TEKT1: variants seen among roughly 807,000 people sequenced by gnomAD.
TEKT1 encodes tektin 1, also known as tektin-1.
Under a neutral mutation model 34.8 loss-of-function variants are expected in TEKT1, and 32 were observed. The observed-to-expected ratio is 0.92, with a 90% CI of 0.69 to 1.23. TEKT1 has a LOEUF of 1.23. TEKT1 is among the 50% of genes most tolerant of loss of function. The pLI, the probability that TEKT1 is intolerant of heterozygous loss-of-function variation, is 0.00. For missense variants in TEKT1, 492 were observed against 518.5 expected (o/e 0.95, Z 0.50); for synonymous variants, 207 against 199.8 (o/e 1.04, Z -0.30).
At chr17:6,814,384 T>C (rs1282601697) in intron 5 of TEKT1, among the ~76,000 whole-genome samples, 1 of 152,232 alleles carries the variant, frequency 6.6e-6, no homozygotes, top group Non-Finnish European at 1.5e-5. Flanking sequence ...GGCTGTGATA[T>C]AATGTTAACC....
intron 3 of TEKT1, among the ~76,000 whole-genome samples, chr17:6,817,894 C>A (rs112297004): frequency 6.6e-6 from 1 of 152,184 alleles, no homozygotes; most frequent in African/African-American, 2.4e-5. Flanking sequence ...TTATCATTAT[C>A]CTCAGGCTTA....
chr17:6,804,220 C>A (rs1363819625), intron 6 of TEKT1, among the ~76,000 whole-genome samples: 1 of 152,112 alleles, frequency 6.6e-6, no homozygotes, highest in Non-Finnish European at 1.5e-5. Context: ...CTCTTTGAAG[C>A]AATTGTGAAT....
At chr17:6,808,578 T>C (rs1023166288) in intron 6 of TEKT1, among the ~76,000 whole-genome samples, 1 of 152,210 alleles carries the variant, frequency 6.6e-6, no homozygotes, top group Non-Finnish European at 1.5e-5. Context: ...AGCTGTAGGC[T>C]GGAGCTGTTC....
At chr17:6,817,682 C>CT (rs1977025048) in intron 3 of TEKT1, among the ~76,000 whole-genome samples, 1 of 152,124 alleles carries the variant, frequency 6.6e-6, no homozygotes, top group Non-Finnish European at 1.5e-5. Flanking sequence ...CATGATAGTG[C>CT]TTGGAAAGGA....
At chr17:6,802,337 C>T (rs1294159470) in intron 6 of TEKT1, among the ~76,000 whole-genome samples, 1 of 152,096 alleles carries the variant, frequency 6.6e-6, no homozygotes, top group African/African-American at 2.4e-5. Context: ...ATAATTGCTC[C>T]TACTTCAAAC....
chr17:6,814,898 G>A (rs1976982912), intron 5 of TEKT1: 1 of 356,930 alleles, frequency 2.8e-6, no homozygotes, highest in East Asian at 4.9e-5. Flanking sequence ...TATTTTACTT[G>A]TTAAAAACAT....
At chr17:6,807,464 A>G (rs1368800941) in intron 6 of TEKT1, among the ~76,000 whole-genome samples, 1 of 152,084 alleles carries the variant, frequency 6.6e-6, no homozygotes, top group African/African-American at 2.4e-5. Context: ...TTCTTCTCTC[A>G]ACTTGTCAAA....
Position 6,812,931 on chromosome 17 carries a change from T to C in TEKT1, c.752A>G (p.Asn251Ser), listed in dbSNP as rs371978195. The change falls in exon 6 of 8, where the codon AAT becomes AGT. Residue 251 changes from asparagine (N) to serine (S), a missense_variant. Asn to Ser is a conservative substitution (Grantham distance 46). Transcript: ENST00000338694. Reference protein sequence around the residue: ...LVDRILSQTANDLRKQCDVVD... With the variant: ...LVDRILSQTASDLRKQCDVVD... Reference sequence around the variant, plus strand: ...CACATCACACTGCTTGCGCAGATCATTGGCTGTCTGGGACAGGATTCGATC... The same window carrying C: ...CACATCACACTGCTTGCGCAGATCACTGGCTGTCTGGGACAGGATTCGATC... The C allele has an allele frequency of 5.9e-5, 96 of 1,614,106 alleles. No homozygotes were observed. In the African/African-American group the frequency reaches 6.7e-4, roughly 11 times the overall value.
chr17:6,815,685 C>A, intron 4 of TEKT1, 149 bp downstream of exon 4: 18 of 1,252,808 alleles, frequency 1.4e-5, no homozygotes, highest in Non-Finnish European at 1.8e-5. Context: ...CCAGCTCTTA[C>A]CCTGAGTGCT....
In TEKT1 at chr17:6,799,917, G is replaced by C. The variant is rs943581086; in HGVS notation, c.*110C>G. 3.4e-5 allele frequency: 36 copies of C among 1,068,476 alleles called. No individual in the cohort carries two copies. In the African/African-American group the frequency reaches 5.7e-4, roughly 17 times the overall value. 66.2% of individuals were successfully genotyped at this position (1,068,476 alleles called of 1,614,324 possible). On this transcript the variant is annotated 3_prime_UTR_variant, in exon 8 of 8. Coordinates refer to ENST00000338694, the MANE Select transcript of TEKT1 (RefSeq NM_053285.2). ...TGAGCAGGCTTGGAATGCCAGCCAAGAGGTTGCAGCAGGCTGGCTAGAGGC... is the reference window on the plus strand; with the variant it reads ...TGAGCAGGCTTGGAATGCCAGCCAACAGGTTGCAGCAGGCTGGCTAGAGGC...
intron 3 of TEKT1, among the ~76,000 whole-genome samples, chr17:6,818,555 A>C (rs1192291975): frequency 6.6e-6 from 1 of 152,162 alleles, no homozygotes; most frequent in Admixed American, 6.5e-5. Flanking sequence ...GTCTGTTCTC[A>C]CCTTCTTCCT....
chr17:6,806,678 C>T (rs1976849023), intron 6 of TEKT1, among the ~76,000 whole-genome samples: 1 of 152,164 alleles, frequency 6.6e-6, no homozygotes, highest in African/African-American at 2.4e-5. Context: ...GACAAAATCT[C>T]TCAGCATTTG....
Position 6,815,212 on chromosome 17 carries a change from T to G in TEKT1, c.580A>C (p.Asn194His), listed in dbSNP as rs1976987418. The stretch of plus-strand genomic sequence containing the variant: ...TCAGAATATCTGATGTTTGGTGAGT[T>G]GTTGTTGAGCGAGAAGCAGATATCA... Reference protein sequence around the residue: ...IDDICFSLNNNSPNIRYSENA... With the variant: ...IDDICFSLNNHSPNIRYSENA... Residue 194 changes from asparagine to histidine, a missense_variant, in exon 5 of 8, where the codon AAC (asparagine) becomes CAC (histidine). Transcript: ENST00000338694. 6.2e-7 allele frequency: 1 copy of G among 1,614,036 alleles called. No individual in the cohort carries two copies. Among genetic ancestry groups the G allele is most frequent in the Admixed American group, 1.7e-5 (1 of 59,980 alleles).
At position 6,799,713 on chromosome 17, in the gene TEKT1, G is replaced by T; in HGVS notation, c.*314C>A. On this transcript the variant is annotated 3_prime_UTR_variant, in exon 8 of 8. Transcript: ENST00000338694. ...GAGCAAGAGGGGCATGGTCTACACA[G>T]GTGATCCAGCCCAACTACTTTATTG... 4.3e-6 allele frequency: 1 copy of T among 234,842 alleles called. No individual in the cohort carries two copies. 14.5% of individuals were successfully genotyped at this position (234,842 alleles called of 1,614,324 possible).
intron 6 of TEKT1, among the ~76,000 whole-genome samples, chr17:6,812,152 G>C (rs1976937245): frequency 6.6e-6 from 1 of 152,086 alleles, no homozygotes; most frequent in Non-Finnish European, 1.5e-5. Context: ...CACTCTTTCT[G>C]TCTCCTGCTG....
At chr17:6,825,847 C>A (rs1338037939) in intron 2 of TEKT1, among the ~76,000 whole-genome samples, 1 of 152,042 alleles carries the variant, frequency 6.6e-6, no homozygotes, top group Non-Finnish European at 1.5e-5. Flanking sequence ...ATTTATCCAT[C>A]CTACTGTTGA....
At chr17:6,818,960 C>A (rs1235024127) in intron 3 of TEKT1, among the ~76,000 whole-genome samples, 1 of 152,144 alleles carries the variant, frequency 6.6e-6, no homozygotes, top group Non-Finnish European at 1.5e-5. Flanking sequence ...CACAGCCAAA[C>A]CTAGTCCTAA....
chr17:6,815,716 A>C, intron 4 of TEKT1, 118 bp downstream of exon 4: 1 of 1,455,898 alleles, frequency 6.9e-7, no homozygotes, highest in Non-Finnish European at 9.2e-7. Flanking sequence ...GGGGACACAA[A>C]GTGGGAGCGG....
chr17:6,819,068 C>T, intron 3 of TEKT1, 125 bp downstream of exon 3: 1 of 1,208,304 alleles, frequency 8.3e-7, no homozygotes. Flanking sequence ...GGGATAACTT[C>T]AGGCTCTAAA....
Sources: allele counts gnomAD v4.1 joint callset (sites outside exome capture counted in the v4.1 genomes callset), GRCh38; gene constraint gnomAD v4.1.1; transcripts MANE v1.5; gene names NCBI Gene and HGNC (gene_info 2026-07-23, HGNC 2026-07-21).